NTM: variants seen among roughly 807,000 people sequenced by gnomAD.
NTM encodes the protein neurotrimin.
In NTM, 13 loss-of-function variants were observed where a neutral mutation model predicts 42.1. The observed-to-expected ratio is 0.31, with a 90% CI of 0.20 to 0.49. The LOEUF (loss-of-function observed/expected upper bound fraction) is 0.49. Ranked by LOEUF, NTM falls within the 20% of genes least tolerant of loss-of-function variation. NTM has a pLI of 0.99. For missense variants in NTM, 373 were observed against 452.8 expected, an observed-to-expected ratio of 0.82 and a Z score of 1.60; for synonymous variants, 187 against 179.2, an observed-to-expected ratio of 1.04 and a Z score of -0.35.
intron 2 of NTM, among the ~76,000 whole-genome samples, chr11:131,918,071 A>G (rs1296487425): frequency 6.6e-6 from 1 of 152,126 alleles, no homozygotes; most frequent in Non-Finnish European, 1.5e-5. Flanking sequence ...GCGTTCTTGA[A>G]TTTGAAAGGT....
intron 1 of NTM, among the ~76,000 whole-genome samples, chr11:131,873,640 TATATATATACACAC>T (rs1196451208): frequency 0.021 from 2,604 of 121,350 alleles, 352 homozygotes; most frequent in African/African-American, 0.096. Context: ...TATATACACA[TATATATATACACAC>T]ATATATATAC....
intron 1 of NTM, among the ~76,000 whole-genome samples, chr11:131,375,723 G>A (rs899226210): frequency 2.6e-5 from 4 of 151,944 alleles, no homozygotes; most frequent in African/African-American, 4.8e-5. Flanking sequence ...CAAAGGGTGG[G>A]AAAAAAAGAG....
chr11:132,323,320 G>A (rs1471543519), intron 7 of NTM, among the ~76,000 whole-genome samples: 8 of 151,912 alleles, frequency 5.3e-5, no homozygotes, highest in South Asian at 2.1e-4. Flanking sequence ...TCAAATAGAC[G>A]CAATAAAAAA....
intron 1 of NTM, among the ~76,000 whole-genome samples, chr11:131,703,569 T>C (rs573693547): frequency 7.2e-4 from 110 of 152,188 alleles, no homozygotes; most frequent in African/African-American, 2.2e-3. Context: ...GAACAGGAAA[T>C]CCCAGCTCTT....
intron 2 of NTM, among the ~76,000 whole-genome samples, chr11:132,111,971 C>T (rs1209416941): frequency 6.6e-6 from 1 of 152,244 alleles, no homozygotes; most frequent in Non-Finnish European, 1.5e-5. Flanking sequence ...AGAAACTTTG[C>T]TTTTCTCAAC....
chr11:131,511,398 C>T (rs560764718), intron 1 of NTM, among the ~76,000 whole-genome samples: 7 of 152,328 alleles, frequency 4.6e-5, no homozygotes, highest in Admixed American at 2.6e-4. Context: ...CCTCTGTCTT[C>T]GCCTGCCGCT....
intron 1 of NTM, among the ~76,000 whole-genome samples, chr11:131,880,027 A>G (rs902267002): frequency 7.9e-5 from 12 of 152,212 alleles, no homozygotes; most frequent in Admixed American, 7.9e-4. Flanking sequence ...TGGACAGGAG[A>G]TAAGAGGCTG....
chr11:131,699,616 C>T (rs7119833), intron 1 of NTM, among the ~76,000 whole-genome samples: 2 of 152,092 alleles, frequency 1.3e-5, no homozygotes, highest in African/African-American at 4.8e-5. Context: ...GTTTAGTTGA[C>T]TCACAGTTCA....
At chr11:132,273,843 G>A (rs527819962) in intron 4 of NTM, among the ~76,000 whole-genome samples, 1 of 152,236 alleles carries the variant, frequency 6.6e-6, no homozygotes, top group East Asian at 1.9e-4. Flanking sequence ...AGAGACAGAG[G>A]TTGCAGTAAG....
chr11:131,738,161 G>T (rs1025808986), intron 1 of NTM, among the ~76,000 whole-genome samples: 1 of 152,132 alleles, frequency 6.6e-6, no homozygotes, highest in African/African-American at 2.4e-5. Flanking sequence ...TCACTCCTGG[G>T]TTTCTCTCCT....
At position 131,953,953 on chromosome 11, in the gene NTM, CCTT is replaced by C. The variant is rs148692385; in HGVS notation, c.167+42306_167+42308del. 5.1e-3 allele frequency among the ~76,000 whole-genome samples: 777 copies of C among 152,280 alleles called. 7 individuals carry two copies. The highest frequency in any genetic ancestry group is 0.018 in the African/African-American group (748 of 41,560). ...GGAGAAAGCCAGCCTTTCTTTCCCT[CCTT>C]AGCCACTATTTCTGGTAATATCAAG... On this transcript the variant is annotated intron_variant, in intron 2 of 8. Coordinates refer to ENST00000683400, the MANE Select transcript of NTM (RefSeq NM_001352005.2).
intron 1 of NTM, among the ~76,000 whole-genome samples, chr11:131,905,501 C>T (rs781201755): frequency 2.8e-4 from 43 of 152,118 alleles, no homozygotes; most frequent in Admixed American, 2.6e-4. Flanking sequence ...CTGCCATCCA[C>T]GAGATTCCTG....
At chr11:131,509,222 T>G (rs557273646) in intron 1 of NTM, among the ~76,000 whole-genome samples, 1 of 152,262 alleles carries the variant, frequency 6.6e-6, no homozygotes, top group African/African-American at 2.4e-5. Context: ...CCCTAATGAC[T>G]GTTCTGAAGT....
intron 1 of NTM, among the ~76,000 whole-genome samples, chr11:131,733,649 C>A (rs2080022717): frequency 6.6e-6 from 1 of 152,076 alleles, no homozygotes; most frequent in South Asian, 2.1e-4. Flanking sequence ...GATTCTCCTG[C>A]CTAAGCCTCC....
chr11:131,902,895 T>C (rs1047572819), intron 1 of NTM, among the ~76,000 whole-genome samples: 1 of 152,166 alleles, frequency 6.6e-6, no homozygotes, highest in African/African-American at 2.4e-5. Flanking sequence ...CTGTGACACA[T>C]AAAATTATAT....
intron 2 of NTM, among the ~76,000 whole-genome samples, chr11:131,912,185 G>A (rs1421886680): frequency 6.6e-6 from 1 of 152,174 alleles, no homozygotes; most frequent in African/African-American, 2.4e-5. Context: ...CATGCCGTGA[G>A]CTGGTGGGCA....
At chr11:131,671,852 C>T (rs572873807) in intron 1 of NTM, among the ~76,000 whole-genome samples, 2 of 152,288 alleles carry the variant, frequency 1.3e-5, no homozygotes, top group East Asian at 3.9e-4. Flanking sequence ...GCTAAGGCCC[C>T]TCTGAAGGCC....
intron 1 of NTM, among the ~76,000 whole-genome samples, chr11:131,584,333 T>A (rs2058671405): frequency 6.6e-6 from 1 of 152,214 alleles, no homozygotes; most frequent in Non-Finnish European, 1.5e-5. Flanking sequence ...AATAATACTT[T>A]GCCTTTATAT....
chr11:131,396,725 T>A (rs1282782148), intron 1 of NTM, among the ~76,000 whole-genome samples: 1 of 151,892 alleles, frequency 6.6e-6, no homozygotes, highest in Admixed American at 6.6e-5. Context: ...TCCCAGCTAC[T>A]CGAGAGGCTG....
Sources: gnomAD v4.1 joint callset for allele counts (sites outside exome capture counted in the v4.1 genomes callset) on GRCh38, gnomAD v4.1.1 for gene constraint, MANE v1.5 for transcripts, NCBI Gene and HGNC (gene_info 2026-07-23, HGNC 2026-07-21) for gene names.